PSMD14: variants seen among roughly 807,000 people sequenced by gnomAD.
The protein encoded by PSMD14 is ubiquitin C-terminal hydrolase PSMD14.
In PSMD14, 7 loss-of-function variants were observed where a neutral mutation model predicts 41.2. The ratio of observed to expected loss-of-function variants is 0.17; its 90% CI spans 0.10 to 0.32. The LOEUF (loss-of-function observed/expected upper bound fraction) is 0.32. Among genes scored for constraint, PSMD14 ranks in the 10% least tolerant of loss-of-function variants. The pLI is 1.00. For missense variants in PSMD14, 139 were observed against 375.6 expected, an observed-to-expected ratio of 0.37 and a Z score of 5.21; for synonymous variants, 114 against 122.3, an observed-to-expected ratio of 0.93 and a Z score of 0.45.
chr2:161,396,878 A>G (rs997173220), intron 10 of PSMD14, among the ~76,000 whole-genome samples: 1 of 152,152 alleles, frequency 6.6e-6, no homozygotes, highest in Non-Finnish European at 1.5e-5. Flanking sequence ...CCCAGACTCA[A>G]GTGCAGTGGG....
chr2:161,386,194 GTTTTTAT>G (rs1156627253), intron 8 of PSMD14, among the ~76,000 whole-genome samples: 1 of 151,708 alleles, frequency 6.6e-6, no homozygotes, highest in Non-Finnish European at 1.5e-5. Flanking sequence ...ATGCCATGGT[GTTTTTAT>G]ACAAATCTTT....
intron 10 of PSMD14, among the ~76,000 whole-genome samples, chr2:161,396,264 A>G (rs1349904542): frequency 1.3e-5 from 2 of 152,208 alleles, no homozygotes; most frequent in African/African-American, 4.8e-5. Context: ...AGATCCCGCA[A>G]TCCCACCACT....
intron 3 of PSMD14, among the ~76,000 whole-genome samples, chr2:161,357,152 A>C (rs1189066116): frequency 6.9e-6 from 1 of 144,512 alleles, no homozygotes; most frequent in Non-Finnish European, 1.5e-5. Context: ...ATCAGATTTT[A>C]ATCTTCTAAA....
chr2:161,352,370 C>T (rs1683130270), intron 3 of PSMD14, among the ~76,000 whole-genome samples: 2 of 152,272 alleles, frequency 1.3e-5, no homozygotes, highest in African/African-American at 2.4e-5. Flanking sequence ...GAACCTCTGG[C>T]TTACATTCAT....
intron 3 of PSMD14, among the ~76,000 whole-genome samples, chr2:161,354,544 G>A (rs898095196): frequency 1.3e-5 from 2 of 152,102 alleles, no homozygotes; most frequent in African/African-American, 4.8e-5. Context: ...GTTACCCAAA[G>A]TGGGAGACAG....
chr2:161,331,559 CTT>C (rs1682791934), intron 3 of PSMD14, among the ~76,000 whole-genome samples: 1 of 152,080 alleles, frequency 6.6e-6, no homozygotes, highest in African/African-American at 2.4e-5. Context: ...CGCCTGGCCT[CTT>C]TGGATATTTT....
chr2:161,368,413 TA>T (rs1030983648), intron 5 of PSMD14, among the ~76,000 whole-genome samples: 11 of 152,110 alleles, frequency 7.2e-5, no homozygotes, highest in African/African-American at 2.7e-4. Flanking sequence ...CAAACCTGAA[TA>T]TTTTTTTCCC....
At chr2:161,389,889 GTTTTT>G (rs1162637393) in intron 8 of PSMD14, among the ~76,000 whole-genome samples, 16 of 20,050 alleles carry the variant, frequency 8.0e-4, no homozygotes, top group Admixed American at 2.1e-3. Context: ...CTTTTTTGTT[GTTTTT>G]TTTTTTTTTT....
chr2:161,408,743 G>A, intron 10 of PSMD14, 94 bp from the exon 11 acceptor site: 1 of 889,362 alleles, frequency 1.1e-6, no homozygotes, highest in Non-Finnish European at 1.7e-6. Flanking sequence ...TTGTATGAAT[G>A]AAAATTCTGG....
chr2:161,322,497 C>G (rs922078099), intron 3 of PSMD14, among the ~76,000 whole-genome samples: 1 of 152,142 alleles, frequency 6.6e-6, no homozygotes, highest in African/African-American at 2.4e-5. Flanking sequence ...TCAAGTGATT[C>G]TCCTGCCTCA....
At chr2:161,367,086 G>T (rs1002763040) in intron 3 of PSMD14, among the ~76,000 whole-genome samples, 2 of 152,124 alleles carry the variant, frequency 1.3e-5, no homozygotes, top group Middle Eastern at 3.2e-3. Flanking sequence ...GAATCCCATA[G>T]CCTTAATCTA....
chr2:161,371,068 T>C, intron 6 of PSMD14, 104 bp from the exon 7 acceptor site: 1 of 1,297,962 alleles, frequency 7.7e-7, no homozygotes, highest in Non-Finnish European at 1.1e-6. Context: ...CTGTGTGTTT[T>C]TCATCTCTTC....
intron 5 of PSMD14, among the ~76,000 whole-genome samples, chr2:161,368,184 T>C (rs1174185507): frequency 6.6e-6 from 1 of 151,586 alleles, no homozygotes; most frequent in East Asian, 1.9e-4. Flanking sequence ...AAAAGTTACT[T>C]ACCCTATAAT....
intron 10 of PSMD14, 136 bp downstream of exon 10, chr2:161,395,339 T>C: frequency 1.2e-6 from 1 of 866,772 alleles, no homozygotes; most frequent in Admixed American, 3.5e-5. Flanking sequence ...TTGCAGTTCA[T>C]CTGGTCTGCA....
intron 7 of PSMD14, among the ~76,000 whole-genome samples, chr2:161,380,038 T>TA (rs1324123348): frequency 6.6e-6 from 1 of 152,058 alleles, no homozygotes; most frequent in Non-Finnish European, 1.5e-5. Context: ...TGTTGAAAGA[T>TA]CTGAGCTGGG....
intron 10 of PSMD14, among the ~76,000 whole-genome samples, chr2:161,397,106 A>T (rs1355856838): frequency 1.3e-5 from 2 of 152,196 alleles, no homozygotes; most frequent in African/African-American, 4.8e-5. Flanking sequence ...CTGGGATTAC[A>T]GGAATGAGCC....
chr2:161,333,267 G>A (rs1388623440), intron 3 of PSMD14, among the ~76,000 whole-genome samples: 1 of 152,180 alleles, frequency 6.6e-6, no homozygotes, highest in Non-Finnish European at 1.5e-5. Flanking sequence ...TCAAATGCCT[G>A]TGCATGTGAT....
At chr2:161,311,902 A>G (rs898149677) in intron 1 of PSMD14, among the ~76,000 whole-genome samples, 4 of 152,108 alleles carry the variant, frequency 2.6e-5, no homozygotes, top group Admixed American at 6.5e-5. Flanking sequence ...GGTGTGAGCC[A>G]CCGTGCCCAG....
At chr2:161,325,313 T>TA (rs1201805120) in intron 3 of PSMD14, among the ~76,000 whole-genome samples, 2 of 151,662 alleles carry the variant, frequency 1.3e-5, no homozygotes, top group Non-Finnish European at 2.9e-5. Flanking sequence ...GGTGGCTAGA[T>TA]AAAAAAAAAT....
Sources: allele counts gnomAD v4.1 joint callset (sites outside exome capture counted in the v4.1 genomes callset), GRCh38; gene constraint gnomAD v4.1.1; transcripts MANE v1.5; gene names NCBI Gene and HGNC (gene_info 2026-07-23, HGNC 2026-07-21).